TTN: variants seen among roughly 807,000 people sequenced by gnomAD.
TTN encodes titin.
TTN carries 1,525 observed loss-of-function variants against 3,223.0 expected under a neutral mutation model. The observed-to-expected ratio is 0.47, with a 90% CI of 0.45 to 0.49. TTN has a LOEUF of 0.49. TTN is among the 20% of genes least tolerant of loss of function. The pLI is 0.00. For synonymous variants in TTN, 14,094 were observed against 15,161.0 expected (o/e 0.93, Z 5.17); for missense variants, 40,786 against 43,424.0 (o/e 0.94, Z 5.40).
chr2:178,757,498 A>G (rs1250760878), intron 45 of TTN, 44 bp downstream of exon 45: 3 of 1,504,072 alleles, frequency 2.0e-6, no homozygotes, highest in Non-Finnish European at 2.7e-6. Flanking sequence ...TGGGACTGAG[A>G]GGTATACAGC....
In TTN at chr2:178,534,642, A is replaced by G; in HGVS notation, c.101973T>C (p.Val33991=). The G allele has an allele frequency of 6.2e-7, 1 of 1,613,682 alleles. No individual in the cohort carries two copies. Among genetic ancestry groups the G allele is most frequent in the Non-Finnish European group, 8.5e-7 (1 of 1,179,606 alleles). The change falls in exon 358 of 363, where the codon GTT becomes GTC. Residue 33991 remains valine, a synonymous_variant. Coordinates refer to ENST00000589042, the MANE Select transcript of TTN (RefSeq NM_001267550.2). ...ACCACATGTCTGTGGCTGTGCTGAC[A>G]ACATCATGCTGGTGGACTTCAGGTG... ...YYAPEVHQHD[V]VSTATDMWSL...
chr2:178,759,613 A>C (rs1293214680), intron 43 of TTN, among the ~76,000 whole-genome samples: 2 of 152,222 alleles, frequency 1.3e-5, no homozygotes, highest in Admixed American at 1.3e-4. Context: ...TTGCAGAAAA[A>C]TCAATCAAAA....
rs548796322 is a variant in TTN, at chr2:178,616,621, C to G, written c.48170G>C (p.Ser16057Thr). Residue 16057 changes from serine to threonine, a missense_variant, in exon 257 of 363, where the codon AGT (serine) becomes ACT (threonine). Transcript: ENST00000589042. ...EIDVNVIARP[S>T]APKELKFGDI... Reference sequence around the variant, plus strand: ...ACCAAATTTCAATTCTTTGGGTGCACTTGGGCGAGCTGAAAAAAAATGCAC... The same window carrying G: ...ACCAAATTTCAATTCTTTGGGTGCAGTTGGGCGAGCTGAAAAAAAATGCAC... The G allele has an allele frequency of 1.2e-6, 2 of 1,612,086 alleles. No homozygotes were observed. Among genetic ancestry groups the G allele is most frequent in the Admixed American group, 1.7e-5 (1 of 59,832 alleles).
chr2:178,566,045 C>T lies in TTN; in HGVS notation c.80087G>A (p.Arg26696Lys), dbSNP rs769866606. 2 of 1,613,534 alleles carry T rather than the reference C, an allele frequency of 1.2e-6. No homozygotes were observed. Among genetic ancestry groups the T allele is most frequent in the South Asian group, 1.1e-5 (1 of 91,076 alleles). Residue 26696 changes from arginine to lysine, a missense_variant, in exon 326 of 363, where the codon AGA becomes AAA. By Grantham distance (26) the Arg-to-Lys change is conservative. Transcript: ENST00000589042. ...PPQNLAVKEV[R>K]KDSAFLVWEP... ...CCATACCAGGAAGGCAGAATCTTTTCTCACTTCTTTGACTGCCAAATTCTG... is the reference window on the plus strand; with the variant it reads ...CCATACCAGGAAGGCAGAATCTTTTTTCACTTCTTTGACTGCCAAATTCTG...
At chr2:178,767,200 T>A (rs1015521189) in intron 40 of TTN, among the ~76,000 whole-genome samples, 7 of 152,228 alleles carry the variant, frequency 4.6e-5, no homozygotes, top group Non-Finnish European at 8.8e-5. Flanking sequence ...TCTCTAGACA[T>A]GTTTCCTCCA....
intron 213 of TTN, among the ~76,000 whole-genome samples, chr2:178,648,278 C>T (rs527400486): frequency 1.9e-4 from 29 of 152,216 alleles, no homozygotes; most frequent in African/African-American, 6.5e-4. Flanking sequence ...AGACATTCCA[C>T]AGCCAATCCA....
chr2:178,608,775 T>C lies in TTN; in HGVS notation c.52236A>G (p.Thr17412=). 1 of 1,612,660 alleles carries C rather than the reference T, an allele frequency of 6.2e-7. No individual in the cohort carries two copies. The highest frequency in any genetic ancestry group is 8.5e-7 in the Non-Finnish European group (1 of 1,179,216). ...CAACAATCCATTCTGAGTCGGGTTT[T>C]GTCTTGTCTTTCTTTTCCAAAGTGT... ...INYTLEKKDK[T]KPDSEWIVVT... Residue 17412 remains threonine (T), a synonymous_variant, in exon 274 of 363, where the codon ACA becomes ACG. Coordinates refer to ENST00000589042, the MANE Select transcript of TTN (RefSeq NM_001267550.2).
chr2:178,775,467 C>T lies in TTN; in HGVS notation c.6397G>A (p.Val2133Ile). The change falls in exon 28 of 363, where the codon GTT becomes ATT. Residue 2133 changes from valine to isoleucine, a missense_variant. Physicochemically the swap from Val to Ile is conservative, Grantham distance 29. Transcript: ENST00000589042. ...ACATCTCTTATGACCAATTCACAAACATTGTCTTCGGGCCAGTACCAGTAG... is the reference window on the plus strand; with the variant it reads ...ACATCTCTTATGACCAATTCACAAATATTGTCTTCGGGCCAGTACCAGTAG... Reference protein sequence around the residue: ...RIYWYWPEDNVCELVIRDVTA... With the variant: ...RIYWYWPEDNICELVIRDVTA... 6.2e-7 allele frequency: 1 copy of T among 1,614,016 alleles called. No homozygotes were observed. The highest frequency in any genetic ancestry group is 2.2e-5 in the East Asian group (1 of 44,826).
chr2:178,619,856 T>C lies in TTN; in HGVS notation c.46461A>G (p.Gln15487=), dbSNP rs2154210608. 6.2e-7 allele frequency: 1 copy of C among 1,611,850 alleles called. No individual in the cohort carries two copies. The highest frequency in any genetic ancestry group is 8.5e-7 in the Non-Finnish European group (1 of 1,178,836). ...EIPVEIIRPP[Q]DILEAPGADV... ...CAGCACCAGGGGCTTCAAGAATATC[T>C]TGTGGAGGCCTGATGATCTCAACAG... Residue 15487 remains glutamine (Q), a synonymous_variant, in exon 250 of 363, where the codon CAA becomes CAG. Transcript: ENST00000589042.
At chr2:178,804,493 T>C in intron 2 of TTN, 59 bp downstream of exon 2, 2 of 1,551,468 alleles carry the variant, frequency 1.3e-6, no homozygotes, top group East Asian at 4.5e-5. Context: ...GCAGCAACGT[T>C]AACTTACTGG....
In TTN at chr2:178,588,691, G is replaced by A; in HGVS notation, c.63034C>T (p.Pro21012Ser). The change falls in exon 304 of 363, where the codon CCT (proline) becomes TCT (serine). Residue 21012 changes from proline (P) to serine (S), a missense_variant. Coordinates refer to ENST00000589042, the MANE Select transcript of TTN (RefSeq NM_001267550.2). Reference protein sequence around the residue: ...KKEKHSTRWVPVNKSAIPERR... With the variant: ...KKEKHSTRWVSVNKSAIPERR... ...TCAGGGATTGCACTCTTGTTGACAG[G>A]GACCCATCGTGTTGAATGCTTTTCC... 1.2e-6 allele frequency: 2 copies of A among 1,613,134 alleles called. No individual in the cohort carries two copies. Among genetic ancestry groups the A allele is most frequent in the African/African-American group, 1.3e-5 (1 of 74,948 alleles).
chr2:178,780,741 A>T (rs1221349488), intron 21 of TTN, among the ~76,000 whole-genome samples: 2 of 152,178 alleles, frequency 1.3e-5, no homozygotes, highest in African/African-American at 4.8e-5. Context: ...AGCCTGGTGC[A>T]TGCCTGGCAA....
Position 178,589,621 on chromosome 2 carries a change from AC to A in TTN, c.62103del (p.Ser20702HisfsTer54). On this transcript the variant is annotated frameshift_variant, in exon 304 of 363. Transcript: ENST00000589042. LOFTEE classifies it high-confidence loss of function. ...RPDYDGGSPNLSYHVERRLKG... is the reference protein window; with the variant it reads ...RPDYDGGSPNXSYHVERRLKG... ...TTAAGCCTTCTCTCAACATGATATGACAGATTTGGACTGCCACCATCATAGT... is the reference window on the plus strand; with the variant it reads ...TTAAGCCTTCTCTCAACATGATATGAAGATTTGGACTGCCACCATCATAGT... The A allele has an allele frequency of 6.2e-7, 1 of 1,613,256 alleles. No individual in the cohort carries two copies. Among genetic ancestry groups the A allele is most frequent in the Non-Finnish European group, 8.5e-7 (1 of 1,179,472 alleles).
At chr2:178,713,760 T>C (rs1438282728) in intron 92 of TTN, 137 bp downstream of exon 92, 2 of 1,103,824 alleles carry the variant, frequency 1.8e-6, no homozygotes, top group Non-Finnish European at 2.5e-6. Flanking sequence ...ACAGATGGTA[T>C]TGCCTCTGAA....
chr2:178,711,167 T>C lies in TTN; in HGVS notation c.28069A>G (p.Thr9357Ala). The change falls in exon 97 of 363, where the codon ACA becomes GCA. Residue 9357 changes from threonine (T) to alanine (A), a missense_variant. Physicochemically the swap from Thr to Ala is moderately conservative, Grantham distance 58. Coordinates refer to ENST00000589042, the MANE Select transcript of TTN (RefSeq NM_001267550.2). ...VQTSFLDNTA[T>A]LNIFKTDRSL... ...CGGTCAGTTTTAAAAATATTGAGTGTGGCTGTATTGTCTAAAAATGATGTT... is the reference window on the plus strand; with the variant it reads ...CGGTCAGTTTTAAAAATATTGAGTGCGGCTGTATTGTCTAAAAATGATGTT... 1 of 1,613,886 alleles carries C rather than the reference T, an allele frequency of 6.2e-7. No individual in the cohort carries two copies. Among genetic ancestry groups the C allele is most frequent in the South Asian group, 1.1e-5 (1 of 91,070 alleles).
In TTN at chr2:178,617,501, G is replaced by A. The variant is rs879096040; in HGVS notation, c.47584C>T (p.Pro15862Ser). 6 of 1,585,150 alleles carry A rather than the reference G, an allele frequency of 3.8e-6. No homozygotes were observed. The South Asian group carries it at 5.9e-5, about 16-fold the overall frequency. ...KVADPIERPS[P>S]PVNLTSSDQT... ...TCTGAGGAAGTTAGGTTTACAGGAG[G>A]ACTTGGTCTCTCTGGAATAAAAGAA... is the stretch of plus-strand genomic sequence containing the variant. The change falls in exon 254 of 363, where the codon CCT becomes TCT. Residue 15862 changes from proline to serine, a missense_variant. Physicochemically the swap from Pro to Ser is moderately conservative, Grantham distance 74 (BLOSUM62 -1). Transcript: ENST00000589042.
Position 178,534,376 on chromosome 2 carries a change from A to T in TTN, c.102239T>A (p.Val34080Asp). The T allele has an allele frequency of 1.2e-6, 2 of 1,610,406 alleles. No individual in the cohort carries two copies. Among genetic ancestry groups the T allele is most frequent in the Non-Finnish European group, 1.7e-6 (2 of 1,179,698 alleles). Residue 34080 changes from valine to aspartate, a missense_variant, in exon 358 of 363, where the codon GTC becomes GAC. Val to Asp is a radical substitution (Grantham distance 152). Coordinates refer to ENST00000589042, the MANE Select transcript of TTN (RefSeq NM_001267550.2). ...HPWLKQKIER[V>D]STKVIRTLKH... ...TAATGTTCTGATAACTTTAGTACTG[A>T]CTCTTTCTATCTTCTGCTTCAACCA... is the stretch of plus-strand genomic sequence containing the variant.
In TTN at chr2:178,704,185, T is replaced by A. The variant is rs2075481776; in HGVS notation, c.30185A>T (p.Tyr10062Phe). The change falls in exon 106 of 363, where the codon TAT becomes TTT. Residue 10062 changes from tyrosine to phenylalanine, a missense_variant. Transcript: ENST00000589042. ...TTCTGCTGAAGTTTCAAGGTCTTCA[T>A]ATTTGCAGGTGTACTGACCCTGGTC... The part of the protein sequence containing the change: ...AEDQGQYTCK[Y>F]EDLETSAELR... The A allele has an allele frequency of 6.2e-7, 1 of 1,613,882 alleles. No homozygotes were observed. The highest frequency in any genetic ancestry group is 1.7e-5 in the Admixed American group (1 of 60,008).
At chr2:178,782,092 A>C in intron 20 of TTN, 120 bp downstream of exon 20, 2 of 1,200,770 alleles carry the variant, frequency 1.7e-6, no homozygotes, top group Non-Finnish European at 2.4e-6. Context: ...AAACAAACTA[A>C]GAAGGCTCCA....
Sources: gnomAD v4.1 joint callset for allele counts (sites outside exome capture counted in the v4.1 genomes callset) on GRCh38, gnomAD v4.1.1 for gene constraint, MANE v1.5 for transcripts, NCBI Gene and HGNC (gene_info 2026-07-23, HGNC 2026-07-21) for gene names.